The following RPS6KA1 variants were observed in gnomAD, a reference collection of about 807,000 sequenced individuals.
RPS6KA1 encodes the protein ribosomal protein S6 kinase alpha-1.
A neutral mutation model predicts 91.3 loss-of-function variants in RPS6KA1; 48 were observed. The ratio of observed to expected loss-of-function variants is 0.53; its 90% confidence interval spans 0.42 to 0.67. The LOEUF (loss-of-function observed/expected upper bound fraction) is 0.67. Among genes scored for constraint, RPS6KA1 ranks in the 30% least tolerant of loss-of-function variants. RPS6KA1 has a pLI of 0.00. For synonymous variants in RPS6KA1, 359 were observed against 384.7 expected (o/e 0.93, Z 0.78); for missense variants, 719 against 960.5 (o/e 0.75, Z 3.32).
chr1:26,565,393 A>G (rs1011502059), intron 17 of RPS6KA1, among the ~76,000 whole-genome samples: 1 of 152,086 alleles, frequency 6.6e-6, no homozygotes, highest in Non-Finnish European at 1.5e-5. Flanking sequence ...GGACAAGTCA[A>G]TAAATTTTCA....
chr1:26,537,134 G>C (rs1157960849), intron 2 of RPS6KA1, among the ~76,000 whole-genome samples, 165 bp downstream of exon 2: 3 of 152,212 alleles, frequency 2.0e-5, no homozygotes, highest in Admixed American at 2.0e-4. Flanking sequence ...GAAATCACTT[G>C]TTCCAACCTT....
Position 26,568,717 on chromosome 1 carries a change from TC to T in RPS6KA1, c.1591-2730del, listed in dbSNP as rs1305152861. ...CTGAGCCGAGATCACGCCATTGCAC[TC>T]CAGCCTGGGCAACAAAAGCAAAACT... On this transcript the variant is annotated intron_variant, in intron 17 of 21. Transcript: ENST00000374168. Among the ~76,000 whole-genome samples, 4 of 151,976 alleles carry T rather than the reference TC, an allele frequency of 2.6e-5. No homozygotes were observed. In the East Asian group the frequency reaches 7.8e-4, roughly 30 times the overall value.
chr1:26,529,857 C>CA lies in RPS6KA1; in HGVS notation c.-63dup. On this transcript the variant is annotated 5_prime_UTR_variant, in exon 1 of 22. Transcript: ENST00000374168. The surrounding 1 kb of genome is among the most constrained non-coding windows in gnomAD (Gnocchi z 4.2). ...GTTCGGGTCGCAGAGCCAGGGACCCCAGGACCCGGGAGGCGGCGCAGCCGG... is the reference window on the plus strand; with the variant it reads ...GTTCGGGTCGCAGAGCCAGGGACCCCAAGGACCCGGGAGGCGGCGCAGCCGG... The CA allele has an allele frequency of 7.5e-7, 1 of 1,324,654 alleles. No individual in the cohort carries two copies. The highest frequency in any genetic ancestry group is 9.9e-7 in the Non-Finnish European group (1 of 1,015,160). The allele number at this position is 1,324,654 out of a possible 1,614,324, so 82.1% of individuals were successfully genotyped here.
Position 26,572,257 on chromosome 1 carries a change from TGG to T in RPS6KA1, c.1915_1916del (p.Gly639LysfsTer28), listed in dbSNP as rs766717768. ...RIGSGKFTLSGGNWNTVSETA... is the reference protein window; with the variant it reads ...RIGSGKFTLSXGNWNTVSETA... ...TCGGCAGTGGGAAGTTTACCCTCAG[TGG>T]GGGAAATTGGAACACAGTTTCAGAG... On this transcript the variant is annotated frameshift_variant, in exon 20 of 22. Coordinates refer to ENST00000374168, the MANE Select transcript of RPS6KA1 (RefSeq NM_002953.4). LOFTEE classifies it high-confidence loss of function. 6.2e-7 allele frequency: 1 copy of T among 1,613,662 alleles called. No individual in the cohort carries two copies.
Position 26,558,942 on chromosome 1 carries a change from G to A in RPS6KA1, c.1215+5G>A. The A allele has an allele frequency of 6.2e-7, 1 of 1,605,624 alleles. No homozygotes were observed. Among genetic ancestry groups the A allele is most frequent in the Non-Finnish European group, 8.5e-7 (1 of 1,173,400 alleles). On this transcript the variant is annotated splice_donor_5th_base_variant and intron_variant, in intron 14 of 21. Coordinates refer to ENST00000374168, the MANE Select transcript of RPS6KA1 (RefSeq NM_002953.4). This position sits in a 1 kb window ranked among gnomAD's most constrained non-coding sequence, Gnocchi z 4.0. ...CCCCTGCACTCGGTGGTACAGGTGA[G>A]GGGGGCAGGGGGCTGCTGCTCCATT...
At chr1:26,570,049 G>A (rs1306966495) in intron 17 of RPS6KA1, among the ~76,000 whole-genome samples, 2 of 152,202 alleles carry the variant, frequency 1.3e-5, no homozygotes, top group South Asian at 4.1e-4. Flanking sequence ...GGGATGTGTT[G>A]AGTTTGAGGC....
intron 1 of RPS6KA1, among the ~76,000 whole-genome samples, chr1:26,531,829 G>C (rs2075869625): frequency 6.6e-6 from 1 of 152,144 alleles, no homozygotes. Context: ...ACTGTTGTCT[G>C]GTCCCCCCTC....
intron 17 of RPS6KA1, among the ~76,000 whole-genome samples, chr1:26,569,666 C>T (rs1020577144): frequency 2.0e-5 from 3 of 152,252 alleles, no homozygotes; most frequent in Admixed American, 1.3e-4. Flanking sequence ...CAAAACTCTA[C>T]TAATCTAACC....
At chr1:26,535,444 G>A (rs74062504) in intron 1 of RPS6KA1, among the ~76,000 whole-genome samples, 8,000 of 152,044 alleles carry the variant, frequency 0.053, 700 homozygotes, top group African/African-American at 0.18. Flanking sequence ...TCTAGAGCAG[G>A]CCTTCCTAGC....
rs2075911060 is a variant in RPS6KA1 at position 26,536,905 on chromosome 1, A to G, written c.64-20A>G. 1.9e-6 allele frequency: 3 copies of G among 1,613,908 alleles called. No individual in the cohort carries two copies. The highest frequency in any genetic ancestry group is 4.5e-5 in the East Asian group (2 of 44,866). On this transcript the variant is annotated intron_variant, in intron 1 of 21. Transcript: ENST00000374168. The stretch of plus-strand genomic sequence containing the variant: ...TGTAAGTTCTGACAGTGCTCCCCCA[A>G]TCTCCTTTCTCTTTTCCAGAATGGA...
chr1:26,549,690 CTTT>C (rs561375723), intron 4 of RPS6KA1, among the ~76,000 whole-genome samples: 3,330 of 101,950 alleles, frequency 0.033, 89 homozygotes, highest in African/African-American at 0.11. Flanking sequence ...AAAGCCTGTT[CTTT>C]TTTTTTTTTT....
rs1339308033 is a variant in RPS6KA1 at position 26,555,677 on chromosome 1, A to T, written c.916+52A>T. The T allele has an allele frequency of 5.3e-6, 8 of 1,520,064 alleles. No homozygotes were observed. The highest frequency in any genetic ancestry group is 7.2e-6 in the Non-Finnish European group (8 of 1,116,874). 94.2% of individuals were successfully genotyped at this position (1,520,064 alleles called of 1,614,324 possible). ...GATGTGGCGATGGGGAGCCGGGTAC[A>T]GCTGCAGCCTAGGCCACAGGGCCAC... On this transcript the variant is annotated intron_variant, in intron 11 of 21. Transcript: ENST00000374168. The surrounding 1 kb of genome is among the most constrained non-coding windows in gnomAD (Gnocchi z 4.3).
intron 17 of RPS6KA1, among the ~76,000 whole-genome samples, chr1:26,569,822 G>A (rs2076234979): frequency 1.3e-5 from 2 of 152,214 alleles, no homozygotes; most frequent in East Asian, 1.9e-4. Context: ...GATCGTTACC[G>A]AAGGAGCCCC....
Position 26,551,042 on chromosome 1 carries a change from A to G in RPS6KA1, c.308-355A>G, listed in dbSNP as rs1428925847. On this transcript the variant is annotated intron_variant, in intron 4 of 21. Coordinates refer to ENST00000374168, the MANE Select transcript of RPS6KA1 (RefSeq NM_002953.4). The surrounding 1 kb of genome is among the most constrained non-coding windows in gnomAD (Gnocchi z 4.5). The stretch of plus-strand genomic sequence containing the variant: ...GCATGCCAGGGGGAGGTGCAGAGGC[A>G]AAGTCTGAGGATCTGACAAAGCAGA... Among the ~76,000 whole-genome samples the G allele has an allele frequency of 1.3e-5, 2 of 152,278 alleles. No homozygotes were observed. Among genetic ancestry groups the G allele is most frequent in the East Asian group, 1.9e-4 (1 of 5,174 alleles).
chr1:26,543,663 C>T (rs1190507600), intron 2 of RPS6KA1, among the ~76,000 whole-genome samples: 2 of 152,222 alleles, frequency 1.3e-5, no homozygotes, highest in Admixed American at 6.5e-5. Flanking sequence ...GGGTTTTAGG[C>T]AGATGTGGGT....
chr1:26,530,728 A>G (rs2075861355), intron 1 of RPS6KA1: 5 of 1,280,482 alleles, frequency 3.9e-6, no homozygotes, highest in Non-Finnish European at 5.1e-6. Context: ...CAGACAACCC[A>G]GCTCCTTCTC....
In RPS6KA1 at chr1:26,543,048, G is replaced by A. The variant is rs546498396; in HGVS notation, c.109-3819G>A. The A allele has an allele frequency of 7.0e-6, 8 of 1,147,256 alleles. No homozygotes were observed. In the African/African-American group the frequency reaches 1.1e-4, roughly 15 times the overall value. 71.1% of individuals were successfully genotyped at this position (1,147,256 alleles called of 1,614,324 possible). On this transcript the variant is annotated intron_variant, in intron 2 of 21. Coordinates refer to ENST00000374168, the MANE Select transcript of RPS6KA1 (RefSeq NM_002953.4). ...ATCATCTGCCCCTCCTCCCTGCAGA[G>A]GGGGAAGTGAGAAGGAGGGGGGCCA...
At chr1:26,546,605 C>T (rs548958375) in intron 2 of RPS6KA1, among the ~76,000 whole-genome samples, 2 of 152,378 alleles carry the variant, frequency 1.3e-5, no homozygotes, top group South Asian at 4.1e-4. Context: ...TTGACTCAGC[C>T]TGGCCATGCC....
chr1:26,552,386 C>CAAAAAA (rs1197852280), intron 6 of RPS6KA1, among the ~76,000 whole-genome samples: 4 of 54,912 alleles, frequency 7.3e-5, no homozygotes, highest in African/African-American at 3.2e-4. Flanking sequence ...GACTCTGTCT[C>CAAAAAA]AAAAAAAAAA....
Sources: gnomAD v4.1 joint callset for allele counts (sites outside exome capture counted in the v4.1 genomes callset) on GRCh38, gnomAD v4.1.1 for gene constraint, Gnocchi (gnomAD v3.1) non-coding constraint, MANE v1.5 for transcripts, NCBI Gene and HGNC (gene_info 2026-07-23, HGNC 2026-07-21) for gene names.